Variants in DPH6 observed in about 807,000 individuals in gnomAD.
DPH6 encodes the protein diphthamine biosynthesis 6.
Under a neutral mutation model 38.2 loss-of-function variants are expected in DPH6, and 33 were observed. The ratio of observed to expected loss-of-function variants is 0.86; its 90% CI spans 0.65 to 1.15. The LOEUF is 1.15. Ranked by LOEUF, DPH6 falls within the 50% of genes most tolerant of loss-of-function variation. DPH6 has a pLI of 0.00. For missense variants in DPH6, 325 were observed against 320.0 expected, an observed-to-expected ratio of 1.02 and a Z score of -0.12; for synonymous variants, 108 against 103.0, an observed-to-expected ratio of 1.05 and a Z score of -0.30.
intron 3 of DPH6, among the ~76,000 whole-genome samples, chr15:35,281,237 ACT>A (rs1783151161): frequency 6.6e-6 from 1 of 152,004 alleles, no homozygotes; most frequent in African/African-American, 2.4e-5. Flanking sequence ...CCTCAAGCAA[ACT>A]CTTATTTTTA....
intron 3 of DPH6, among the ~76,000 whole-genome samples, chr15:35,283,299 C>T (rs114838836): frequency 0.028 from 4,305 of 151,112 alleles, 195 homozygotes; most frequent in African/African-American, 0.1. Flanking sequence ...TCCTCCTCCT[C>T]CTCCTCTTAT....
chr15:35,384,287 CATG>C (rs1303308578), intron 6 of DPH6, among the ~76,000 whole-genome samples: 1 of 152,152 alleles, frequency 6.6e-6, no homozygotes, highest in African/African-American at 2.4e-5. Context: ...AATGAATTTT[CATG>C]ATTCTTTTCA....
intron 3 of DPH6, among the ~76,000 whole-genome samples, chr15:35,316,283 A>G (rs549811290): frequency 1.3e-5 from 2 of 152,338 alleles, no homozygotes; most frequent in African/African-American, 4.8e-5. Context: ...AATGTATTAA[A>G]TTATTTACAT....
At chr15:35,284,022 G>A (rs190783889) in intron 3 of DPH6, among the ~76,000 whole-genome samples, 263 of 152,130 alleles carry the variant, frequency 1.7e-3, no homozygotes, top group African/African-American at 5.3e-3. Flanking sequence ...AATCCAGTTC[G>A]GAGGGGCCAA....
rs569930463 is a variant in DPH6, at chr15:35,339,425, A to G, written n.208-8348T>C. 6.6e-5 allele frequency among the ~76,000 whole-genome samples: 10 copies of G among 152,070 alleles called. No homozygotes were observed. In the East Asian group the frequency reaches 1.9e-3, roughly 29 times the overall value. The stretch of plus-strand genomic sequence containing the variant: ...CTGCAACCTCTGCCTCCTGGATTCC[A>G]GCAATTCTCCTGCTTCAGCCTCCCT... On this transcript the variant is annotated intron_variant and non_coding_transcript_variant, in intron 3 of 3. Transcript: ENST00000558973.
chr15:35,152,671 G>T, the DPH6 span, among the ~76,000 whole-genome samples: 1 of 152,034 alleles, frequency 6.6e-6, no homozygotes, highest in African/African-American at 2.4e-5. Context: ...GGCTAATTTT[G>T]TATTTTTAGT....
intron 3 of DPH6, among the ~76,000 whole-genome samples, chr15:35,504,617 C>T (rs916397183): frequency 6.6e-6 from 1 of 152,004 alleles, no homozygotes; most frequent in Admixed American, 6.6e-5. Flanking sequence ...GAACAGGGCA[C>T]TGACTCAGAA....
chr15:35,305,788 T>C (rs1445182316), intron 3 of DPH6, among the ~76,000 whole-genome samples: 2 of 152,158 alleles, frequency 1.3e-5, no homozygotes, highest in Admixed American at 1.3e-4. Context: ...TATAATTACA[T>C]TAAAGTAGTA....
intron 3 of DPH6, among the ~76,000 whole-genome samples, chr15:35,499,249 T>C (rs1417225038): frequency 2.0e-5 from 3 of 152,228 alleles, no homozygotes; most frequent in Non-Finnish European, 4.4e-5. Context: ...TGAGAAGTTA[T>C]GACTAGAACC....
intron 6 of DPH6, chr15:35,401,373 GA>G: frequency 1.3e-6 from 1 of 750,580 alleles, no homozygotes. Context: ...GCGGCAGTGG[GA>G]ATGGCTATAA....
At position 35,237,555 on chromosome 15, in the gene DPH6, C is replaced by CG. The variant is rs879705441; in HGVS notation, n.201-16974dup. ...CTTGAACTAAGCGATAACAGAGTCTCGGGGGGCGTGGAAGCATTGGCAGAA... is the reference window on the plus strand; with the variant it reads ...CTTGAACTAAGCGATAACAGAGTCTCGGGGGGGCGTGGAAGCATTGGCAGAA... On this transcript the variant is annotated intron_variant and non_coding_transcript_variant, in intron 3 of 3. Coordinates refer to the DPH6 transcript ENST00000560386. 7.8e-5 allele frequency: 121 copies of CG among 1,551,538 alleles called. No individual in the cohort carries two copies. The Middle Eastern group carries it at 8.4e-4, about 11-fold the overall frequency.
intron 3 of DPH6, among the ~76,000 whole-genome samples, chr15:35,458,541 CG>C (rs977596255): frequency 1.1e-4 from 17 of 152,120 alleles, no homozygotes; most frequent in Admixed American, 1.1e-3. Context: ...TAGCTAGGTT[CG>C]GGTCCTGATC....
chr15:35,491,568 C>T (rs2054478794), intron 3 of DPH6, among the ~76,000 whole-genome samples: 3 of 151,092 alleles, frequency 2.0e-5, no homozygotes, highest in African/African-American at 4.9e-5. Context: ...CACACACACA[C>T]ACACACACAC....
Position 35,408,979 on chromosome 15 carries a change from T to C in DPH6, c.567+1856A>G, listed in dbSNP as rs535268882. Among the ~76,000 whole-genome samples, 4 of 151,998 alleles carry C rather than the reference T, an allele frequency of 2.6e-5. No homozygotes were observed. In the East Asian group the frequency reaches 5.8e-4, roughly 22 times the overall value. On this transcript the variant is annotated intron_variant, in intron 6 of 8. Transcript: ENST00000256538. ...GTCTTTAGGATGGGACAATCTGTAT[T>C]ATGTTTTGATATTGATATGAAGGAG...
intron 3 of DPH6, among the ~76,000 whole-genome samples, chr15:35,532,912 T>C (rs1223079535): frequency 1.3e-5 from 2 of 151,950 alleles, no homozygotes; most frequent in African/African-American, 4.8e-5. Context: ...GAGAACAGCC[T>C]GGTCAACATG....
chr15:35,361,207 C>T (rs1173749719), intron 3 of DPH6, among the ~76,000 whole-genome samples: 1 of 152,208 alleles, frequency 6.6e-6, no homozygotes, highest in African/African-American at 2.4e-5. Context: ...CAAAGTGGCC[C>T]TCCAAAGTCT....
intron 3 of DPH6, among the ~76,000 whole-genome samples, chr15:35,320,896 C>T (rs1191360483): frequency 6.6e-6 from 1 of 152,032 alleles, no homozygotes; most frequent in East Asian, 1.9e-4. Flanking sequence ...TTTTCTGAAC[C>T]CTGACCTTCT....
At position 35,450,729 on chromosome 15, in the gene DPH6, A is replaced by T; in HGVS notation, c.461T>A (p.Ile154Lys). The change falls in exon 5 of 9, where the codon ATA becomes AAA. Residue 154 changes from isoleucine to lysine, a missense_variant. Coordinates refer to ENST00000256538, the MANE Select transcript of DPH6 (RefSeq NM_080650.4). ...RNQEDLLREM[I>K]SSNIQAMIIK... ...GATCATTGCTTGAATGTTAGATGAT[A>T]TCATCTCTCTGAGCAAATCTTCCTG... 3 of 1,613,400 alleles carry T rather than the reference A, an allele frequency of 1.9e-6. No individual in the cohort carries two copies. The highest frequency in any genetic ancestry group is 1.7e-6 in the Non-Finnish European group (2 of 1,179,682).
At chr15:35,169,334 G>A in the DPH6 span, among the ~76,000 whole-genome samples, 1 of 152,076 alleles carries the variant, frequency 6.6e-6, no homozygotes, top group Admixed American at 6.6e-5. Context: ...GCTGCCACAG[G>A]ATGGTGTGTT....
Sources: allele counts gnomAD v4.1 joint callset (sites outside exome capture counted in the v4.1 genomes callset), GRCh38; gene constraint gnomAD v4.1.1; transcripts MANE v1.5; gene names NCBI Gene and HGNC (gene_info 2026-07-23, HGNC 2026-07-21).